PRIM2: variants seen among roughly 807,000 people sequenced by gnomAD.
The protein encoded by PRIM2 is DNA primase subunit 2, also known as DNA primase large subunit.
PRIM2 carries 39 observed loss-of-function variants against 67.3 expected under a neutral mutation model. That is an observed-to-expected ratio of 0.58 (90% CI 0.45 to 0.76). The LOEUF (loss-of-function observed/expected upper bound fraction) is 0.76. Among genes scored for constraint, PRIM2 ranks in the 30% least tolerant of loss-of-function variants. PRIM2 has a pLI of 0.00. For missense variants in PRIM2, 398 were observed against 598.7 expected, an observed-to-expected ratio of 0.66 and a Z score of 3.50; for synonymous variants, 143 against 198.7, an observed-to-expected ratio of 0.72 and a Z score of 2.36.
chr6:57,326,990 A>G (rs1767887991), intron 5 of PRIM2, among the ~76,000 whole-genome samples: 1 of 142,590 alleles, frequency 7.0e-6, no homozygotes, highest in African/African-American at 2.7e-5. Flanking sequence ...TGCAACCTCC[A>G]CCTTCTGGGT....
chr6:57,518,772 T>G (rs1407463302), intron 8 of PRIM2, among the ~76,000 whole-genome samples: 2 of 152,222 alleles, frequency 1.3e-5, no homozygotes, highest in Non-Finnish European at 2.9e-5. Context: ...TCTTTTGTTT[T>G]GGGACATAGG....
chr6:57,415,864 C>T (rs2127367558), intron 7 of PRIM2, among the ~76,000 whole-genome samples: 1 of 152,254 alleles, frequency 6.6e-6, no homozygotes, highest in East Asian at 1.9e-4. Context: ...GCTGTTTAGT[C>T]CCATCTTCAG....
chr6:57,507,274 T>A lies in PRIM2; in HGVS notation c.694-113T>A, dbSNP rs1157797449. 8.9e-4 allele frequency: 701 copies of A among 788,522 alleles called. 4 individuals carry two copies. Among genetic ancestry groups the A allele is most frequent in the Non-Finnish European group, 1.2e-3 (596 of 517,764 alleles). 48.8% of individuals were successfully genotyped at this position (788,522 alleles called of 1,614,324 possible). ...TTGAAAAAAGAGAAATAGAACCTTA[T>A]ATTTTTAAGTATTGCCTCCCTATCT... On this transcript the variant is annotated intron_variant, in intron 7 of 13. Coordinates refer to ENST00000615550, the MANE Select transcript of PRIM2 (RefSeq NM_000947.5).
intron 5 of PRIM2, among the ~76,000 whole-genome samples, chr6:57,335,213 G>A (rs1386636313): frequency 1.8e-4 from 24 of 135,206 alleles, no homozygotes; most frequent in African/African-American, 6.6e-4. Context: ...AGGGTCCTAC[G>A]CCCACGGAGT....
At chr6:57,454,440 G>T (rs202116690) in intron 7 of PRIM2, among the ~76,000 whole-genome samples, 3 of 152,004 alleles carry the variant, frequency 2.0e-5, no homozygotes, top group Non-Finnish European at 2.9e-5. Flanking sequence ...GCTTGGTAAG[G>T]TATTAATTAT....
the PRIM2 span, among the ~76,000 whole-genome samples, chr6:57,270,979 C>A: frequency 6.6e-6 from 1 of 151,840 alleles, no homozygotes; most frequent in Non-Finnish European, 1.5e-5. Flanking sequence ...GGATGAAGCC[C>A]ACTTGATCAT....
chr6:57,240,554 A>G, the PRIM2 span, among the ~76,000 whole-genome samples: 1 of 152,188 alleles, frequency 6.6e-6, no homozygotes, highest in Non-Finnish European at 1.5e-5. Flanking sequence ...CTCAGGACCC[A>G]GGAAACAGGA....
chr6:57,564,846 G>T (rs1373659824), intron 10 of PRIM2, among the ~76,000 whole-genome samples: 30 of 152,176 alleles, frequency 2.0e-4, no homozygotes, highest in Admixed American at 1.6e-3. Flanking sequence ...AATAAATTTT[G>T]CTTTATGAAC....
At chr6:57,516,680 G>C (rs1554348303) in intron 8 of PRIM2, among the ~76,000 whole-genome samples, 1 of 152,098 alleles carries the variant, frequency 6.6e-6, no homozygotes, top group Non-Finnish European at 1.5e-5. Context: ...TGGTTACTTT[G>C]TATGAGAGCT....
At chr6:57,288,393 G>C in the PRIM2 span, among the ~76,000 whole-genome samples, 1 of 152,196 alleles carries the variant, frequency 6.6e-6, no homozygotes, top group Non-Finnish European at 1.5e-5. Context: ...GCAGCAGACA[G>C]CTTCCGAAGA....
At chr6:57,336,389 CT>C (rs1768247953) in intron 5 of PRIM2, among the ~76,000 whole-genome samples, 1 of 152,086 alleles carries the variant, frequency 6.6e-6, no homozygotes, top group South Asian at 2.1e-4. Context: ...AGAAGAGCAA[CT>C]GCAAGACACA....
At chr6:57,346,058 G>A (rs1396717685) in intron 5 of PRIM2, among the ~76,000 whole-genome samples, 1 of 152,128 alleles carries the variant, frequency 6.6e-6, no homozygotes, top group Non-Finnish European at 1.5e-5. Flanking sequence ...GGTGGGTTTT[G>A]GCTGGCTTCT....
At chr6:57,290,922 A>C in the PRIM2 span, among the ~76,000 whole-genome samples, 1 of 152,200 alleles carries the variant, frequency 6.6e-6, no homozygotes, top group African/African-American at 2.4e-5. Context: ...TGGACACCCT[A>C]ACATCATAAT....
chr6:57,240,090 T>TG, the PRIM2 span, among the ~76,000 whole-genome samples: 2,417 of 94,380 alleles, frequency 0.026, 88 homozygotes, highest in African/African-American at 0.093. Context: ...ATCAATAATC[T>TG]GTTTTTTTTT....
chr6:57,533,960 G>A (rs1160753519), intron 9 of PRIM2, among the ~76,000 whole-genome samples: 4 of 152,306 alleles, frequency 2.6e-5, no homozygotes, highest in Middle Eastern at 3.4e-3. Context: ...CTGAGACCCC[G>A]TGGTGAGTAA....
intron 5 of PRIM2, among the ~76,000 whole-genome samples, chr6:57,347,506 G>A (rs5017177): frequency 1.6e-4 from 25 of 152,178 alleles, no homozygotes; most frequent in Non-Finnish European, 3.2e-4. Context: ...GAGTGCAGTG[G>A]TGTGATCACA....
intron 5 of PRIM2, among the ~76,000 whole-genome samples, chr6:57,361,747 T>C (rs1158267056): frequency 6.6e-6 from 1 of 152,118 alleles, no homozygotes. Flanking sequence ...ATAAATGCTT[T>C]ATGTGTGTCC....
At chr6:57,432,427 G>A (rs956892119) in intron 7 of PRIM2, among the ~76,000 whole-genome samples, 1 of 152,158 alleles carries the variant, frequency 6.6e-6, no homozygotes, top group African/African-American at 2.4e-5. Flanking sequence ...CTTGTTCTGT[G>A]ACGGGCACTA....
chr6:57,614,840 ACT>A (rs1258925849), intron 12 of PRIM2, among the ~76,000 whole-genome samples: 1 of 151,998 alleles, frequency 6.6e-6, no homozygotes, highest in Non-Finnish European at 1.5e-5. Context: ...ACAGAGCGAG[ACT>A]CTGTCTCAAA....
Sources: allele counts gnomAD v4.1 joint callset (sites outside exome capture counted in the v4.1 genomes callset), GRCh38; gene constraint gnomAD v4.1.1; transcripts MANE v1.5; gene names NCBI Gene and HGNC (gene_info 2026-07-23, HGNC 2026-07-21).